CAMK1D: variants seen among roughly 807,000 people sequenced by gnomAD.
The protein encoded by CAMK1D is calcium/calmodulin dependent protein kinase ID, also known as calcium/calmodulin-dependent protein kinase type 1D.
A neutral mutation model predicts 47.7 loss-of-function variants in CAMK1D; 9 were observed. The observed-to-expected ratio is 0.19, with a 90% confidence interval of 0.11 to 0.33. CAMK1D has a LOEUF of 0.33. Ranked by LOEUF, CAMK1D falls within the 10% of genes least tolerant of loss-of-function variation. The pLI is 1.00. For synonymous variants in CAMK1D, 184 were observed against 184.9 expected (o/e 0.99, Z 0.04); for missense variants, 291 against 488.7 (o/e 0.60, Z 3.81).
chr10:12,787,882 C>T (rs1837803454), intron 5 of CAMK1D, among the ~76,000 whole-genome samples: 1 of 152,150 alleles, frequency 6.6e-6, no homozygotes, highest in African/African-American at 2.4e-5. Flanking sequence ...CGCCTGTAAT[C>T]CCAGCTATCT....
At chr10:12,630,358 A>G (rs1173242588) in intron 2 of CAMK1D, among the ~76,000 whole-genome samples, 1 of 138,704 alleles carries the variant, frequency 7.2e-6, no homozygotes, top group Non-Finnish European at 1.5e-5. Context: ...GCTAAGATTT[A>G]CTTTCTTTTT....
At chr10:12,713,747 T>C (rs2130761243) in intron 3 of CAMK1D, among the ~76,000 whole-genome samples, 1 of 152,336 alleles carries the variant, frequency 6.6e-6, no homozygotes, top group South Asian at 2.1e-4. Flanking sequence ...CCTGGATGGA[T>C]GCCCCACAGC....
chr10:12,644,624 T>C (rs910378119), intron 2 of CAMK1D, among the ~76,000 whole-genome samples: 5 of 152,196 alleles, frequency 3.3e-5, no homozygotes, highest in Non-Finnish European at 5.9e-5. Context: ...ATCTGGGCTT[T>C]GGAGCTTCCT....
chr10:12,453,043 A>G (rs983049095), intron 1 of CAMK1D, among the ~76,000 whole-genome samples: 19 of 151,852 alleles, frequency 1.3e-4, no homozygotes, highest in Admixed American at 6.6e-4. Context: ...GCCCCATTCT[A>G]CTTTCTCCCT....
intron 3 of CAMK1D, among the ~76,000 whole-genome samples, chr10:12,715,698 G>A (rs1208144075): frequency 1.3e-5 from 2 of 149,982 alleles, no homozygotes; most frequent in African/African-American, 4.9e-5. Flanking sequence ...TGGATCTCGG[G>A]GGGAGAAGTG....
At chr10:12,491,851 C>T in intron 1 of CAMK1D, among the ~76,000 whole-genome samples, 1 of 152,100 alleles carries the variant, frequency 6.6e-6, no homozygotes, top group Non-Finnish European at 1.5e-5. Flanking sequence ...TCAGTGGTGC[C>T]ATCTCGGTCA....
chr10:12,659,707 T>A (rs1840219609), intron 2 of CAMK1D, among the ~76,000 whole-genome samples: 1 of 152,100 alleles, frequency 6.6e-6, no homozygotes, highest in South Asian at 2.1e-4. Flanking sequence ...TGCCAAGACA[T>A]CACAATATTC....
chr10:12,465,043 T>A (rs2768393), intron 1 of CAMK1D, among the ~76,000 whole-genome samples: 1 of 152,042 alleles, frequency 6.6e-6, no homozygotes, highest in Non-Finnish European at 1.5e-5. Context: ...CTGATGAGAA[T>A]GGTGGGTGAG....
At chr10:12,796,878 G>A (rs1026983829) in intron 6 of CAMK1D, among the ~76,000 whole-genome samples, 7 of 152,144 alleles carry the variant, frequency 4.6e-5, no homozygotes, top group Non-Finnish European at 7.3e-5. Flanking sequence ...TTGATTCACA[G>A]TAACTAGACT....
intron 3 of CAMK1D, among the ~76,000 whole-genome samples, chr10:12,722,172 G>A (rs371665451): frequency 2.7e-4 from 41 of 152,098 alleles, no homozygotes; most frequent in African/African-American, 9.4e-4. Context: ...GGCTGGGCGC[G>A]GTGGCTCACG....
chr10:12,756,823 G>A (rs1836248875), intron 3 of CAMK1D, among the ~76,000 whole-genome samples: 1 of 152,222 alleles, frequency 6.6e-6, no homozygotes, highest in South Asian at 2.1e-4. Flanking sequence ...AGCTACTCGG[G>A]AGGCTAAGGC....
intron 5 of CAMK1D, among the ~76,000 whole-genome samples, chr10:12,786,359 A>G (rs1837722294): frequency 1.3e-5 from 2 of 152,196 alleles, no homozygotes; most frequent in Middle Eastern, 3.2e-3. Flanking sequence ...TTGTTGGTCG[A>G]TATAACACAG....
chr10:12,693,923 T>A (rs1231480237), intron 3 of CAMK1D, among the ~76,000 whole-genome samples: 8 of 97,272 alleles, frequency 8.2e-5, no homozygotes, highest in East Asian at 3.1e-4. Context: ...TATATAAAAA[T>A]ATATATAACA....
rs565372366 is a variant in CAMK1D at position 12,712,711 on chromosome 10, G to T, written c.299+45901G>T. ...ATCTCCTAATACCATCATACTGGGG[G>T]TTAGGGTTTCGTGTGTATTTAGGGG... On this transcript the variant is annotated intron_variant, in intron 3 of 10. Coordinates refer to ENST00000619168, the MANE Select transcript of CAMK1D (RefSeq NM_153498.4). Among the ~76,000 whole-genome samples the T allele has an allele frequency of 5.3e-5, 8 of 152,306 alleles. No individual in the cohort carries two copies. In the South Asian group the frequency reaches 6.2e-4, roughly 12 times the overall value.
chr10:12,693,026 C>T (rs1400389247), intron 3 of CAMK1D, among the ~76,000 whole-genome samples: 1 of 152,094 alleles, frequency 6.6e-6, no homozygotes, highest in East Asian at 1.9e-4. Context: ...AGCAGATCAT[C>T]CTCTATAATG....
At chr10:12,499,138 A>C (rs1834627000) in intron 1 of CAMK1D, among the ~76,000 whole-genome samples, 1 of 146,748 alleles carries the variant, frequency 6.8e-6, no homozygotes, top group South Asian at 2.1e-4. Context: ...TTTGCTGATT[A>C]ATGAGCTAGA....
intron 1 of CAMK1D, among the ~76,000 whole-genome samples, chr10:12,488,130 T>C (rs1834271323): frequency 6.6e-6 from 1 of 152,192 alleles, no homozygotes; most frequent in South Asian, 2.1e-4. Flanking sequence ...GCTATTGTAC[T>C]TCACAGAGTT....
chr10:12,408,852 T>C (rs368649940), intron 1 of CAMK1D, among the ~76,000 whole-genome samples: 168 of 102,906 alleles, frequency 1.6e-3, no homozygotes, highest in Non-Finnish European at 2.7e-3. Context: ...TTCTTTCTTT[T>C]TTTTTTTTTT....
intron 1 of CAMK1D, among the ~76,000 whole-genome samples, chr10:12,427,698 C>CTTTTTTTTTTTTTTTTTTTTTTTTTTT (rs1588474191): frequency 7.3e-5 from 2 of 27,364 alleles, no homozygotes; most frequent in East Asian, 1.0e-3. Context: ...ACTGAACTTA[C>CTTTTTTTTTTTTTTTTTTTTTTTTTTT]TGTTTTTTTT....
Sources: allele counts gnomAD v4.1 joint callset (sites outside exome capture counted in the v4.1 genomes callset), GRCh38; gene constraint gnomAD v4.1.1; transcripts MANE v1.5; gene names NCBI Gene and HGNC (gene_info 2026-07-23, HGNC 2026-07-21).